NIPAL1: variants seen among roughly 807,000 people sequenced by gnomAD.
The protein encoded by NIPAL1 is NIPA like domain containing 1.
In NIPAL1, 35 loss-of-function variants were observed where a neutral mutation model predicts 37.7. The ratio of observed to expected loss-of-function variants is 0.93; its 90% confidence interval spans 0.71 to 1.23. NIPAL1 has a LOEUF of 1.23. Ranked by LOEUF, NIPAL1 falls within the 50% of genes most tolerant of loss-of-function variation. The pLI, the probability that NIPAL1 is intolerant of heterozygous loss-of-function variation, is 0.00. For missense variants in NIPAL1, 412 were observed against 473.9 expected, an observed-to-expected ratio of 0.87 and a Z score of 1.21; for synonymous variants, 162 against 183.0, an observed-to-expected ratio of 0.89 and a Z score of 0.93.
In NIPAL1 at chr4:48,025,234, C is replaced by T. The variant is rs767194396; in HGVS notation, c.213C>T (p.Gly71=). ...NVENKYSLYV[G]LVLAVSSSIF... ...AAAACAAATACAGTCTTTATGTGGG[C>T]TTGGTACTGGCAGTAAGCTCAAGTA... is the stretch of plus-strand genomic sequence containing the variant. Residue 71 remains glycine, a synonymous_variant, in exon 2 of 6, where the codon GGC becomes GGT. Coordinates refer to ENST00000295461, the MANE Select transcript of NIPAL1 (RefSeq NM_207330.3). The T allele has an allele frequency of 6.2e-7, 1 of 1,614,104 alleles. No individual in the cohort carries two copies. The highest frequency in any genetic ancestry group is 8.5e-7 in the Non-Finnish European group (1 of 1,179,946).
chr4:48,026,960 C>A (rs6835057), intron 2 of NIPAL1, among the ~76,000 whole-genome samples: 1 of 151,366 alleles, frequency 6.6e-6, no homozygotes, highest in African/African-American at 2.4e-5. Flanking sequence ...TCAGATGATC[C>A]GCCCGCCTCG....
At position 48,039,960 on chromosome 4, in the gene NIPAL1, A is replaced by C. The variant is rs1278522370; in HGVS notation, c.*3788A>C. 6.6e-6 allele frequency: 1 copy of C among 152,228 alleles called. No homozygotes were observed. The highest frequency in any genetic ancestry group is 1.5e-5 in the Non-Finnish European group (1 of 68,022). 9.4% of individuals were successfully genotyped at this position (152,228 alleles called of 1,614,324 possible). A position where few individuals can be genotyped will look rare whatever the true frequency, so the allele number is the denominator to read the frequency against. On this transcript the variant is annotated 3_prime_UTR_variant, in exon 6 of 6. Coordinates refer to ENST00000295461, the MANE Select transcript of NIPAL1 (RefSeq NM_207330.3). ...TATTCCAATAAAAATATTTTTCTTA[A>C]TAAAACCAGAAAAACTGAACTAAAT...
chr4:48,017,334 C>G (rs2109363126), intron 1 of NIPAL1, among the ~76,000 whole-genome samples: 1 of 152,260 alleles, frequency 6.6e-6, no homozygotes, highest in South Asian at 2.1e-4. Context: ...GCGCTGCGCC[C>G]TGCGCTGGCT....
chr4:48,022,330 T>G (rs545043272), intron 1 of NIPAL1, among the ~76,000 whole-genome samples: 102 of 152,316 alleles, frequency 6.7e-4, no homozygotes, highest in Admixed American at 1.8e-3. Flanking sequence ...ATAAAACAAT[T>G]TAAGTCCTAA....
chr4:48,035,550 T>C lies in NIPAL1; in HGVS notation c.623-12T>C, dbSNP rs767411419. ...CATTTTCTAAAGTCAAATTCTTTTC[T>C]CCTTCTAACAGGGTTTATTTCCTTT... is the stretch of plus-strand genomic sequence containing the variant. On this transcript the variant is annotated splice_polypyrimidine_tract_variant and intron_variant, in intron 5 of 5. Transcript: ENST00000295461. 1 of 1,586,832 alleles carries C rather than the reference T, an allele frequency of 6.3e-7. No individual in the cohort carries two copies. Among genetic ancestry groups the C allele is most frequent in the Non-Finnish European group, 8.5e-7 (1 of 1,173,720 alleles).
At position 48,035,718 on chromosome 4, in the gene NIPAL1, C is replaced by T; in HGVS notation, c.779C>T (p.Ala260Val). Residue 260 changes from alanine (A) to valine (V), a missense_variant, in exon 6 of 6, where the codon GCC becomes GTC. Ala to Val is a moderately conservative substitution (Grantham distance 64). Coordinates refer to ENST00000295461, the MANE Select transcript of NIPAL1 (RefSeq NM_207330.3). ...SVSSVKGLGIAIKELIEWKPV... is the reference protein window; with the variant it reads ...SVSSVKGLGIVIKELIEWKPV... Reference sequence around the variant, plus strand: ...TCTTCTGTGAAAGGCCTGGGAATTGCCATTAAGGAGCTGATAGAATGGAAG... The same window carrying T: ...TCTTCTGTGAAAGGCCTGGGAATTGTCATTAAGGAGCTGATAGAATGGAAG... The T allele has an allele frequency of 6.2e-7, 1 of 1,614,038 alleles. No homozygotes were observed. The highest frequency in any genetic ancestry group is 1.1e-5 in the South Asian group (1 of 91,060).
intron 1 of NIPAL1, among the ~76,000 whole-genome samples, chr4:48,020,810 A>G (rs532933520): frequency 6.6e-6 from 1 of 152,164 alleles, no homozygotes; most frequent in African/African-American, 2.4e-5. Flanking sequence ...TAATAATCCA[A>G]ACTATCACAG....
chr4:48,023,499 G>A (rs1715620761), intron 1 of NIPAL1, among the ~76,000 whole-genome samples: 1 of 152,098 alleles, frequency 6.6e-6, no homozygotes, highest in Non-Finnish European at 1.5e-5. Flanking sequence ...TCTAAAAATT[G>A]AATTACAAAA....
intron 3 of NIPAL1, among the ~76,000 whole-genome samples, chr4:48,032,573 T>C (rs1350376354): frequency 1.3e-5 from 2 of 152,242 alleles, no homozygotes; most frequent in Non-Finnish European, 2.9e-5. Context: ...GATTTAACCA[T>C]TCTAATTTTC....
At chr4:48,017,280 G>A in intron 1 of NIPAL1, among the ~76,000 whole-genome samples, 1 of 152,182 alleles carries the variant, frequency 6.6e-6, no homozygotes, top group East Asian at 1.9e-4. Context: ...GACGTCACCC[G>A]GTGGGCAGAG....
chr4:48,020,186 G>C (rs1263062514), intron 1 of NIPAL1, among the ~76,000 whole-genome samples: 2 of 152,146 alleles, frequency 1.3e-5, no homozygotes, highest in African/African-American at 4.8e-5. Flanking sequence ...GTTTCAGAGA[G>C]GGGTGAGAGG....
intron 3 of NIPAL1, 137 bp downstream of exon 3, chr4:48,030,313 C>G: frequency 1.8e-6 from 1 of 571,134 alleles, no homozygotes; most frequent in Non-Finnish European, 3.2e-6. Context: ...TTGTGTTAGT[C>G]AATATATTGT....
Position 48,035,640 on chromosome 4 carries a change from C to T in NIPAL1, c.701C>T (p.Thr234Ile), listed in dbSNP as rs1309349293. The part of the protein sequence containing the change: ...ILIVAPKKGQ[T>I]NILVYISICS... ...ATTGTGGCTCCCAAGAAAGGACAGA[C>T]CAATATATTGGTTTATATTTCAATC... The change falls in exon 6 of 6, where the codon ACC becomes ATC. Residue 234 changes from threonine to isoleucine, a missense_variant. By Grantham distance (89) the Thr-to-Ile change is moderately conservative (BLOSUM62 -1). Coordinates refer to ENST00000295461, the MANE Select transcript of NIPAL1 (RefSeq NM_207330.3). 1 of 1,613,644 alleles carries T rather than the reference C, an allele frequency of 6.2e-7. No individual in the cohort carries two copies. Among genetic ancestry groups the T allele is most frequent in the South Asian group, 1.1e-5 (1 of 91,034 alleles).
Position 48,034,912 on chromosome 4 carries a change from C to T in NIPAL1, c.493C>T (p.His165Tyr), listed in dbSNP as rs774625932. 3 of 1,613,106 alleles carry T rather than the reference C, an allele frequency of 1.9e-6. No individual in the cohort carries two copies. The highest frequency in any genetic ancestry group is 2.2e-5 in the South Asian group (2 of 91,036). ...ATTATCTTCCTACTTTTTAAACGAG[C>T]ACTTGAACATTCATGGGAAAATAGG... Reference protein sequence around the residue: ...AILSSYFLNEHLNIHGKIGCI... With the variant: ...AILSSYFLNEYLNIHGKIGCI... The change falls in exon 5 of 6, where the codon CAC (histidine) becomes TAC (tyrosine). Residue 165 changes from histidine to tyrosine, a missense_variant. By Grantham distance (83) the His-to-Tyr change is moderately conservative. Coordinates refer to ENST00000295461, the MANE Select transcript of NIPAL1 (RefSeq NM_207330.3).
chr4:48,039,797 C>G lies in NIPAL1; in HGVS notation c.*3625C>G, dbSNP rs1055134180. 2 of 152,198 alleles carry G rather than the reference C, an allele frequency of 1.3e-5. No individual in the cohort carries two copies. Among genetic ancestry groups the G allele is most frequent in the Non-Finnish European group, 2.9e-5 (2 of 68,036 alleles). 9.4% of individuals were successfully genotyped at this position (152,198 alleles called of 1,614,324 possible). On this transcript the variant is annotated 3_prime_UTR_variant, in exon 6 of 6. Transcript: ENST00000295461. ...GAATCAACATTTGAATTCTTACAGT[C>G]TTGTCACTAGAGACTTAAAAGGACC...
At chr4:48,033,443 T>C (rs1431399299) in intron 4 of NIPAL1, among the ~76,000 whole-genome samples, 1 of 152,202 alleles carries the variant, frequency 6.6e-6, no homozygotes, top group Non-Finnish European at 1.5e-5. Context: ...ATAAATGTGT[T>C]TTACATTTGT....
rs752935961 is a variant in NIPAL1, at chr4:48,036,211, C to A, written c.*39C>A. On this transcript the variant is annotated 3_prime_UTR_variant, in exon 6 of 6. Transcript: ENST00000295461. ...ACTGAGTTTTAACCAATATGAGACACACGAAGAGGAAAATGAATGCTTGCT... is the reference window on the plus strand; with the variant it reads ...ACTGAGTTTTAACCAATATGAGACAAACGAAGAGGAAAATGAATGCTTGCT... 6.5e-7 allele frequency: 1 copy of A among 1,530,286 alleles called. No homozygotes were observed. The highest frequency in any genetic ancestry group is 8.7e-7 in the Non-Finnish European group (1 of 1,144,438). 94.8% of individuals were successfully genotyped at this position (1,530,286 alleles called of 1,614,324 possible).
chr4:48,038,253 A>G lies in NIPAL1; in HGVS notation c.*2081A>G, dbSNP rs1350952784. ...AAAATCGATAATCCATGGAAGGTCC[A>G]TGGGTTGATACCTCAGGTCAAAAAT... On this transcript the variant is annotated 3_prime_UTR_variant, in exon 6 of 6. Transcript: ENST00000295461. 6.6e-6 allele frequency: 1 copy of G among 152,220 alleles called. No homozygotes were observed. Among genetic ancestry groups the G allele is most frequent in the South Asian group, 2.1e-4 (1 of 4,826 alleles). 9.4% of individuals were successfully genotyped at this position (152,220 alleles called of 1,614,324 possible). A position where few individuals can be genotyped will look rare whatever the true frequency, so the allele number is the denominator to read the frequency against.
intron 2 of NIPAL1, among the ~76,000 whole-genome samples, chr4:48,025,953 C>T (rs1283505687): frequency 3.9e-5 from 6 of 152,166 alleles, no homozygotes; most frequent in Non-Finnish European, 7.3e-5. Flanking sequence ...ATTCAGCTCA[C>T]TCATCCTTCA....
Sources: gnomAD v4.1 joint callset for allele counts (sites outside exome capture counted in the v4.1 genomes callset) on GRCh38, gnomAD v4.1.1 for gene constraint, MANE v1.5 for transcripts, NCBI Gene and HGNC (gene_info 2026-07-23, HGNC 2026-07-21) for gene names.